Variants in OSBPL7 observed in about 807,000 individuals in gnomAD.
The protein encoded by OSBPL7 is oxysterol-binding protein-related protein 7.
Under a neutral mutation model 115.8 loss-of-function variants are expected in OSBPL7, and 66 were observed. That is an observed-to-expected ratio of 0.57 (90% CI 0.47 to 0.70). The LOEUF is 0.70. Among genes scored for constraint, OSBPL7 ranks in the 30% least tolerant of loss-of-function variants. OSBPL7 has a pLI of 0.00. For synonymous variants in OSBPL7, 441 were observed against 439.2 expected, an observed-to-expected ratio of 1.00 and a Z score of -0.05; for missense variants, 902 against 1,125.5, an observed-to-expected ratio of 0.80 and a Z score of 2.84.
intron 7 of OSBPL7, 123 bp from the exon 8 acceptor site, chr17:47,817,482 C>G (rs551962693): frequency 1.6e-6 from 1 of 628,432 alleles, no homozygotes; most frequent in East Asian, 3.3e-5. Flanking sequence ...CTCTGCCTCC[C>G]AGGTTCAAGT....
rs953269832 is a variant in OSBPL7, at chr17:47,807,866, T to A, written c.*425A>T. 11 of 193,306 alleles carry A rather than the reference T, an allele frequency of 5.7e-5. No homozygotes were observed. Among genetic ancestry groups the A allele is most frequent in the Admixed American group, 5.3e-4 (10 of 18,974 alleles). 12.0% of individuals were successfully genotyped at this position (193,306 alleles called of 1,614,324 possible). ...AGGGAGAACAGATCACCTCCTCTCC[T>A]TCACTCACTGCAACCTCACCGCTGG... is the stretch of plus-strand genomic sequence containing the variant. On this transcript the variant is annotated 3_prime_UTR_variant, in exon 23 of 23. Transcript: ENST00000007414.
Position 47,808,714 on chromosome 17 carries a change from C to G in OSBPL7, c.2298-54G>C. The G allele has an allele frequency of 1.2e-6, 2 of 1,610,372 alleles. No homozygotes were observed. Among genetic ancestry groups the G allele is most frequent in the Admixed American group, 3.4e-5 (2 of 59,546 alleles). On this transcript the variant is annotated intron_variant, in intron 21 of 22. Coordinates refer to ENST00000007414, the MANE Select transcript of OSBPL7 (RefSeq NM_145798.3). The surrounding 1 kb of genome is among the most constrained non-coding windows in gnomAD (Gnocchi z 6.1). ...CTGCCCATCTGCAGGGGCCCCCAAA[C>G]CCAAGGCCTCTGTCTCTGCCCAACT...
In OSBPL7 at chr17:47,819,988, G is replaced by A; in HGVS notation, c.184C>T (p.Leu62=). The A allele has an allele frequency of 2.1e-6, 3 of 1,446,178 alleles. No homozygotes were observed. Among genetic ancestry groups the A allele is most frequent in the Non-Finnish European group, 2.8e-6 (3 of 1,084,348 alleles). 89.6% of individuals were successfully genotyped at this position (1,446,178 alleles called of 1,614,324 possible). A position where few individuals can be genotyped will look rare whatever the true frequency, so the allele number is the denominator to read the frequency against. ...GHLLKKRKWP[L]KGWHKRYFVL... ...CACCCTACCTTGTGCCAGCCCTTCAGAGGCCACTTCCTCTTCTTGAGCAGG... is the reference window on the plus strand; with the variant it reads ...CACCCTACCTTGTGCCAGCCCTTCAAAGGCCACTTCCTCTTCTTGAGCAGG... The change falls in exon 3 of 23, where the codon CTG becomes TTG. Residue 62 remains leucine (L), a synonymous_variant. Coordinates refer to ENST00000007414, the MANE Select transcript of OSBPL7 (RefSeq NM_145798.3).
At chr17:47,814,485 C>CG in intron 14 of OSBPL7, 36 bp downstream of exon 14, 4 of 1,089,524 alleles carry the variant, frequency 3.7e-6, no homozygotes, top group Non-Finnish European at 5.6e-6. Context: ...TTCCACCCGC[C>CG]TCCCACCCCT....
chr17:47,814,452 TGG>T, intron 14 of OSBPL7, 67 bp downstream of exon 14: 1 of 1,454,012 alleles, frequency 6.9e-7, no homozygotes, highest in South Asian at 1.2e-5. Flanking sequence ...TGCATGGGCC[TGG>T]GCCATGGACA....
intron 5 of OSBPL7, 98 bp downstream of exon 5, chr17:47,818,888 A>C: frequency 9.1e-7 from 1 of 1,097,066 alleles, no homozygotes. Context: ...TCAGAGACAG[A>C]CCCTGAGTTC....
intron 17 of OSBPL7, 39 bp downstream of exon 17, chr17:47,810,733 T>C: frequency 1.2e-6 from 2 of 1,613,196 alleles, no homozygotes; most frequent in Non-Finnish European, 8.5e-7. Context: ...GGTGTTCCCT[T>C]TGCCCAGGGC....
intron 7 of OSBPL7, among the ~76,000 whole-genome samples, chr17:47,817,846 T>C (rs1353334548): frequency 6.6e-6 from 1 of 152,212 alleles, no homozygotes; most frequent in Non-Finnish European, 1.5e-5. Flanking sequence ...CTCTAGACCA[T>C]GCCTCACCTT....
Position 47,816,252 on chromosome 17 carries a change from C to A in OSBPL7, c.1024-50G>T. 1 of 1,511,048 alleles carries A rather than the reference C, an allele frequency of 6.6e-7. No homozygotes were observed. Among genetic ancestry groups the A allele is most frequent in the Non-Finnish European group, 9.0e-7 (1 of 1,115,094 alleles). The allele number at this position is 1,511,048 out of a possible 1,614,324, so 93.6% of individuals were successfully genotyped here. ...GGTGCCAGGAGGATGAGGTCCTCCCCACCTTGCCGCATCTCTGCAGAGACT... is the reference window on the plus strand; with the variant it reads ...GGTGCCAGGAGGATGAGGTCCTCCCAACCTTGCCGCATCTCTGCAGAGACT... On this transcript the variant is annotated intron_variant, in intron 11 of 22. Coordinates refer to ENST00000007414, the MANE Select transcript of OSBPL7 (RefSeq NM_145798.3). This position sits in a 1 kb window ranked among gnomAD's most constrained non-coding sequence, Gnocchi z 5.8.
rs2033213208 is a variant in OSBPL7 at position 47,816,298 on chromosome 17, C to T, written c.1023+90G>A. The T allele has an allele frequency of 6.0e-6, 9 of 1,494,386 alleles. No homozygotes were observed. In the East Asian group the frequency reaches 2.2e-4, roughly 37 times the overall value. The allele number at this position is 1,494,386 out of a possible 1,614,324, so 92.6% of individuals were successfully genotyped here. A position where few individuals can be genotyped will look rare whatever the true frequency, so the allele number is the denominator to read the frequency against. ...AGACTGCCTCTGCCAACCCCCCACC[C>T]TGACCCAGATCTGCTATCGGACCCC... On this transcript the variant is annotated intron_variant, in intron 11 of 22. Coordinates refer to ENST00000007414, the MANE Select transcript of OSBPL7 (RefSeq NM_145798.3). This position sits in a 1 kb window ranked among gnomAD's most constrained non-coding sequence, Gnocchi z 5.8.
chr17:47,815,091 T>C, intron 13 of OSBPL7, 124 bp downstream of exon 13: 2 of 1,292,136 alleles, frequency 1.5e-6, no homozygotes, highest in South Asian at 1.4e-5. Flanking sequence ...CTGGACATAG[T>C]CCCAGAGATA....
rs2033125903 is a variant in OSBPL7 at position 47,813,811 on chromosome 17, T to G, written c.1375A>C (p.Met459Leu). The G allele has an allele frequency of 9.3e-6, 15 of 1,611,114 alleles. No homozygotes were observed. The highest frequency in any genetic ancestry group is 1.3e-5 in the African/African-American group (1 of 74,882). Residue 459 changes from methionine to leucine, a missense_variant, in exon 15 of 23, where the codon ATG (methionine) becomes CTG (leucine). Met to Leu is a conservative substitution (Grantham distance 15). Around this residue, in one of 3 missense-constraint regions of OSBPL7, gnomAD observed 667 missense variants for 788.7 expected, o/e 0.85. Coordinates refer to ENST00000007414, the MANE Select transcript of OSBPL7 (RefSeq NM_145798.3). ...AGGCAGCGACGGCGGGGTGGCCCCA[T>G]GGGTCTCCCTGGAACACACCCCCCT... Reference protein sequence around the residue: ...QKGGCVPGRPMGPPRRRCLPA... With the variant: ...QKGGCVPGRPLGPPRRRCLPA...
At position 47,816,529 on chromosome 17, in the gene OSBPL7, C is replaced by T. The variant is rs117765992; in HGVS notation, c.928+34G>A. 40,953 of 1,588,220 alleles carry T rather than the reference C, an allele frequency of 0.026. 637 individuals are homozygous for T. Among genetic ancestry groups the T allele is most frequent in the Non-Finnish European group, 0.03 (34,702 of 1,167,214 alleles). On this transcript the variant is annotated intron_variant, in intron 10 of 22. Transcript: ENST00000007414. The surrounding 1 kb of genome is among the most constrained non-coding windows in gnomAD (Gnocchi z 5.8). ...ATCAGAGTCCTCGCTCGCTCCTGTC[C>T]GCTCCCCACCAGCCCCTCCCAGCAG...
rs559974959 is a variant in OSBPL7, at chr17:47,808,750, G to A, written c.2298-90C>T. On this transcript the variant is annotated intron_variant, in intron 21 of 22. Transcript: ENST00000007414. This position sits in a 1 kb window ranked among gnomAD's most constrained non-coding sequence, Gnocchi z 6.1. ...TGTCTCTGCCCAACTCTGTCCTCTAGACAAGCCCCACTTCTCTGAGGCCAC... is the reference window on the plus strand; with the variant it reads ...TGTCTCTGCCCAACTCTGTCCTCTAAACAAGCCCCACTTCTCTGAGGCCAC... 1.6e-4 allele frequency: 258 copies of A among 1,602,972 alleles called. No homozygotes were observed. In the African/African-American group the frequency reaches 3.0e-3, roughly 19 times the overall value.
intron 16 of OSBPL7, among the ~76,000 whole-genome samples, chr17:47,812,303 T>C (rs1350564229): frequency 4.6e-5 from 7 of 152,230 alleles, no homozygotes; most frequent in Non-Finnish European, 2.9e-5. Flanking sequence ...CCAGCGCTCC[T>C]GCCTGCCCTC....
In OSBPL7 at chr17:47,816,410, C is replaced by A. The variant is rs867359413; in HGVS notation, c.1001G>T (p.Gly334Val). The A allele has an allele frequency of 6.5e-7, 1 of 1,531,842 alleles. No individual in the cohort carries two copies. Among genetic ancestry groups the A allele is most frequent in the Admixed American group, 2.0e-5 (1 of 48,854 alleles). The allele number at this position is 1,531,842 out of a possible 1,614,324, so 94.9% of individuals were successfully genotyped here. A position where few individuals can be genotyped will look rare whatever the true frequency, so the allele number is the denominator to read the frequency against. Residue 334 changes from glycine to valine, a missense_variant, in exon 11 of 23, where the codon GGC becomes GTC. By Grantham distance (109) the Gly-to-Val change is moderately radical. This residue lies in a region of OSBPL7 where 667 missense variants were observed against 788.7 expected (regional missense o/e 0.85). Coordinates refer to ENST00000007414, the MANE Select transcript of OSBPL7 (RefSeq NM_145798.3). This position sits in a 1 kb window ranked among gnomAD's most constrained non-coding sequence, Gnocchi z 5.8. ...ERDQLRDMHQ[G>V]SELSRMGVSE... ...CACCCCCATTCTTGACAACTCTGAG[C>A]CCTGGTGCATGTCCCTCAGTTGGTC...
At chr17:47,811,425 C>T (rs904332535) in intron 16 of OSBPL7, among the ~76,000 whole-genome samples, 1 of 152,138 alleles carries the variant, frequency 6.6e-6, no homozygotes, top group African/African-American at 2.4e-5. Flanking sequence ...CCAGCCCCAT[C>T]CTGCCCTTCA....
rs775684896 is a variant in OSBPL7, at chr17:47,809,370, C to G, written c.1989G>C (p.Gln663His). 11 of 1,614,046 alleles carry G rather than the reference C, an allele frequency of 6.8e-6. No individual in the cohort carries two copies. The highest frequency in any genetic ancestry group is 1.7e-5 in the Admixed American group (1 of 60,006). Residue 663 changes from glutamine to histidine, a missense_variant, in exon 19 of 23, where the codon CAG becomes CAC. Coordinates refer to ENST00000007414, the MANE Select transcript of OSBPL7 (RefSeq NM_145798.3). Reference protein sequence around the residue: ...HYGEVLIRNTQDSSCHCKITF... With the variant: ...HYGEVLIRNTHDSSCHCKITF... ...TGATCTTGCAGTGGCAGGAGCTGTC[C>G]TGTGTGTTTCGGATGAGCACCTCCC... is the stretch of plus-strand genomic sequence containing the variant.
Position 47,816,372 on chromosome 17 carries a change from G to A in OSBPL7, c.1023+16C>T. ...GCCCTCTCCCCGCACCAGTCACCCT[G>A]TCCCCCAGGCCTCACCCCCATTCTT... On this transcript the variant is annotated intron_variant, in intron 11 of 22. Transcript: ENST00000007414. The surrounding 1 kb of genome is among the most constrained non-coding windows in gnomAD (Gnocchi z 5.8). 6.7e-7 allele frequency: 1 copy of A among 1,492,190 alleles called. No individual in the cohort carries two copies. Among genetic ancestry groups the A allele is most frequent in the South Asian group, 1.4e-5 (1 of 74,072 alleles). The allele number at this position is 1,492,190 out of a possible 1,614,324, so 92.4% of individuals were successfully genotyped here.
Sources: allele counts gnomAD v4.1 joint callset (sites outside exome capture counted in the v4.1 genomes callset), GRCh38; gene constraint gnomAD v4.1.1; regional missense constraint gnomAD v4.1.1; non-coding constraint Gnocchi (gnomAD v3.1); transcripts MANE v1.5; gene names NCBI Gene and HGNC (gene_info 2026-07-23, HGNC 2026-07-21).